LYRM4: variants seen among roughly 807,000 people sequenced by gnomAD.
The protein encoded by LYRM4 is LYR motif containing 4, also known as LYR motif-containing protein 4.
A neutral mutation model predicts 11.7 loss-of-function variants in LYRM4; 9 were observed. That is an observed-to-expected ratio of 0.77 (90% CI 0.46 to 1.34). The LOEUF (loss-of-function observed/expected upper bound fraction) is 1.34, where lower values mean the gene tolerates loss of function less well. Ranked by LOEUF, LYRM4 falls within the 40% of genes most tolerant of loss-of-function variation. The pLI is 0.00. For synonymous variants in LYRM4, 42 were observed against 40.4 expected (o/e 1.04, Z -0.15); for missense variants, 133 against 112.5 (o/e 1.18, Z -0.82).
chr6:5,239,579 T>C (rs1314163302), intron 1 of LYRM4, among the ~76,000 whole-genome samples: 1 of 151,876 alleles, frequency 6.6e-6, no homozygotes, highest in African/African-American at 2.4e-5. Flanking sequence ...GAGAAGGTGG[T>C]GTCCCGCACG....
At chr6:5,152,798 C>T (rs995810193) in intron 2 of LYRM4, among the ~76,000 whole-genome samples, 2 of 152,208 alleles carry the variant, frequency 1.3e-5, no homozygotes, top group African/African-American at 4.8e-5. Flanking sequence ...GTAGGAATTC[C>T]AGGCTAGGTC....
the LYRM4 span, among the ~76,000 whole-genome samples, chr6:5,037,796 C>T: frequency 1.0e-4 from 6 of 59,248 alleles, no homozygotes; most frequent in African/African-American, 2.2e-4. Context: ...CCGGACGGGG[C>T]GGCTGGCCGG....
chr6:5,253,514 CTTAT>C (rs1764525695), intron 1 of LYRM4, among the ~76,000 whole-genome samples: 1 of 151,630 alleles, frequency 6.6e-6, no homozygotes, highest in African/African-American at 2.4e-5. Context: ...CAGCAATTTT[CTTAT>C]TTGAGCTCAA....
At chr6:5,260,581 TCAGCCCGCACCCC>T in intron 1 of LYRM4, 54 bp downstream of exon 1, 1 of 1,396,638 alleles carries the variant, frequency 7.2e-7, no homozygotes, top group Non-Finnish European at 9.7e-7. Context: ...ATATTCCGCG[TCAGCCCGCACCCC>T]CGGTCCCCGG....
chr6:5,220,491 T>C (rs1054980097), intron 1 of LYRM4, among the ~76,000 whole-genome samples: 2 of 152,186 alleles, frequency 1.3e-5, no homozygotes, highest in Non-Finnish European at 2.9e-5. Context: ...AGCTGAATCC[T>C]TTCTACTGGC....
chr6:5,191,581 C>G (rs185658688), intron 2 of LYRM4, among the ~76,000 whole-genome samples: 55 of 152,212 alleles, frequency 3.6e-4, no homozygotes, highest in Middle Eastern at 3.4e-3. Context: ...AGGACTTACT[C>G]TCATTAAAAC....
At chr6:5,093,055 T>G in the LYRM4 span, among the ~76,000 whole-genome samples, 1 of 152,178 alleles carries the variant, frequency 6.6e-6, no homozygotes, top group Non-Finnish European at 1.5e-5. Flanking sequence ...ATATGTTCTT[T>G]GGAAATAAAA....
At chr6:5,058,496 C>CT in the LYRM4 span, among the ~76,000 whole-genome samples, 2 of 152,226 alleles carry the variant, frequency 1.3e-5, no homozygotes, top group Non-Finnish European at 2.9e-5. Context: ...TCTGCACCCG[C>CT]CACACAGTGG....
At chr6:5,259,145 T>A (rs1764823013) in intron 1 of LYRM4, among the ~76,000 whole-genome samples, 1 of 152,252 alleles carries the variant, frequency 6.6e-6, no homozygotes, top group African/African-American at 2.4e-5. Context: ...ACCCTCTCCC[T>A]GCCACTTTCC....
At chr6:5,124,053 C>T (rs888827323) in intron 2 of LYRM4, among the ~76,000 whole-genome samples, 7 of 152,078 alleles carry the variant, frequency 4.6e-5, no homozygotes, top group Admixed American at 1.3e-4. Flanking sequence ...CTCCCAGGGC[C>T]GTGGAGAGGG....
At chr6:5,041,213 CAAACTTATAGTT>C in the LYRM4 span, among the ~76,000 whole-genome samples, 3 of 78,142 alleles carry the variant, frequency 3.8e-5, no homozygotes, top group East Asian at 6.0e-3. Context: ...AAAGGAGTGA[CAAACTTATAGTT>C]AAAAGCTCAA....
the LYRM4 span, among the ~76,000 whole-genome samples, chr6:5,062,211 A>G: frequency 6.7e-6 from 1 of 148,228 alleles, no homozygotes; most frequent in South Asian, 2.1e-4. Context: ...CAGTCTCCCA[A>G]GTAGCTAGGA....
At chr6:5,060,158 A>C in the LYRM4 span, among the ~76,000 whole-genome samples, 13 of 152,262 alleles carry the variant, frequency 8.5e-5, no homozygotes, top group Non-Finnish European at 1.5e-4. Context: ...ATATGTACAC[A>C]CGAAAGTGTG....
rs114709731 is a variant in LYRM4 at position 5,194,503 on chromosome 6, C to T, written c.207+22115G>A. 6.3e-3 allele frequency among the ~76,000 whole-genome samples: 961 copies of T among 152,258 alleles called. 4 individuals carry two copies. The highest frequency in any genetic ancestry group is 0.022 in the African/African-American group (907 of 41,544). ...AGAACTGGGCATACCTTCTGAAATG[C>T]TTAGTTCCCTCTTCTTCGAGGTGGG... On this transcript the variant is annotated intron_variant, in intron 2 of 2. Coordinates refer to ENST00000330636, the MANE Select transcript of LYRM4 (RefSeq NM_020408.6).
At chr6:5,182,541 G>T (rs1172417174) in intron 2 of LYRM4, among the ~76,000 whole-genome samples, 1 of 152,106 alleles carries the variant, frequency 6.6e-6, no homozygotes, top group Non-Finnish European at 1.5e-5. Flanking sequence ...ACTTATACAT[G>T]GTCATAAGCC....
chr6:5,260,022 C>T (rs567257708), intron 1 of LYRM4, among the ~76,000 whole-genome samples: 21 of 152,296 alleles, frequency 1.4e-4, no homozygotes, highest in African/African-American at 4.1e-4. Flanking sequence ...CCTCAATATC[C>T]TGCTGTCAAG....
Position 5,221,343 on chromosome 6 carries a change from C to T in LYRM4, c.87-4605G>A, listed in dbSNP as rs75432113. Among the ~76,000 whole-genome samples the T allele has an allele frequency of 8.2e-4, 125 of 152,330 alleles. 5 individuals are homozygous for T. The East Asian group carries it at 0.023, about 28-fold the overall frequency. On this transcript the variant is annotated intron_variant, in intron 1 of 2. Coordinates refer to ENST00000330636, the MANE Select transcript of LYRM4 (RefSeq NM_020408.6). ...CTTCTGAGGTCCAAATCCATATACC[C>T]AATTGCCTTTTGCACTTGTCAACTA...
intron 2 of LYRM4, among the ~76,000 whole-genome samples, chr6:5,115,230 T>C (rs1285469986): frequency 6.6e-6 from 1 of 152,222 alleles, no homozygotes; most frequent in South Asian, 2.1e-4. Flanking sequence ...AGTAGAATTG[T>C]TGGATAAACA....
chr6:5,083,721 T>C, the LYRM4 span, among the ~76,000 whole-genome samples: 1 of 152,270 alleles, frequency 6.6e-6, no homozygotes, highest in East Asian at 1.9e-4. Flanking sequence ...TCACCCACCA[T>C]CTCTTTTGCC....
Sources: allele counts gnomAD v4.1 joint callset (sites outside exome capture counted in the v4.1 genomes callset), GRCh38; gene constraint gnomAD v4.1.1; transcripts MANE v1.5; gene names NCBI Gene and HGNC (gene_info 2026-07-23, HGNC 2026-07-21).